The following SNRNP40 variants were observed in gnomAD, a reference collection of about 807,000 sequenced individuals.
SNRNP40 encodes the protein small nuclear ribonucleoprotein U5 subunit 40, also known as U5 small nuclear ribonucleoprotein 40 kDa protein.
In SNRNP40, 21 loss-of-function variants were observed where a neutral mutation model predicts 45.8. The ratio of observed to expected loss-of-function variants is 0.46; its 90% CI spans 0.32 to 0.66. SNRNP40 has a LOEUF of 0.66. Among genes scored for constraint, SNRNP40 ranks in the 30% least tolerant of loss-of-function variants. The pLI is 0.03. For missense variants in SNRNP40, 344 were observed against 439.1 expected (o/e 0.78, Z 1.94); for synonymous variants, 142 against 163.8 (o/e 0.87, Z 1.01).
At chr1:31,284,736 A>C (rs542693853) in intron 4 of SNRNP40, among the ~76,000 whole-genome samples, 1 of 152,234 alleles carries the variant, frequency 6.6e-6, no homozygotes, top group East Asian at 1.9e-4. Context: ...GGAGAGTCTG[A>C]GTAGGATCTG....
intron 5 of SNRNP40, among the ~76,000 whole-genome samples, chr1:31,276,927 G>A (rs572523821): frequency 3.9e-5 from 6 of 152,132 alleles, no homozygotes; most frequent in South Asian, 2.1e-4. Flanking sequence ...CCAGCTACTC[G>A]GGAGGCTGAG....
intron 1 of SNRNP40, 74 bp from the exon 2 acceptor site, chr1:31,293,422 G>C (rs1646120792): frequency 7.0e-7 from 1 of 1,426,378 alleles, no homozygotes; most frequent in African/African-American, 1.4e-5. Context: ...GGTGGGGAGT[G>C]GAGGGAAAAG....
Position 31,267,857 on chromosome 1 carries a change from C to T in SNRNP40, c.920+14G>A, listed in dbSNP as rs750377634. 1.9e-6 allele frequency: 3 copies of T among 1,605,132 alleles called. No homozygotes were observed. The highest frequency in any genetic ancestry group is 1.7e-6 in the Non-Finnish European group (2 of 1,172,148). ...AGCTACATCATTCTTTACTTTGCAC[C>T]CACTAATCCTTACCTGTCGGCTGAG... On this transcript the variant is annotated intron_variant, in intron 8 of 9. Transcript: ENST00000263694.
At chr1:31,291,493 A>G (rs916223006) in intron 3 of SNRNP40, among the ~76,000 whole-genome samples, 1 of 152,156 alleles carries the variant, frequency 6.6e-6, no homozygotes, top group African/African-American at 2.4e-5. Flanking sequence ...CAGGAGCAAT[A>G]TAGCAAGACC....
At chr1:31,282,607 C>CATCTA (rs1193954022) in intron 4 of SNRNP40, 10 of 150,086 alleles carry the variant, frequency 6.7e-5, no homozygotes. Flanking sequence ...ATCTATCTAT[C>CATCTA]TATCTATCTT....
At chr1:31,292,563 G>A (rs531122279) in intron 2 of SNRNP40, among the ~76,000 whole-genome samples, 1 of 152,266 alleles carries the variant, frequency 6.6e-6, no homozygotes, top group Non-Finnish European at 1.5e-5. Context: ...CGGCACCGAG[G>A]AAAAGAGTTA....
At position 31,296,713 on chromosome 1, in the gene SNRNP40, C is replaced by A; in HGVS notation, c.39G>T (p.Pro13=). ...GCCGCTGCCGCTTGACTGGAACCAG[C>A]GGCAACTCTGGGCCCTTACGCTTCT... ...EQQKRKGPEL[P]LVPVKRQRHE... Residue 13 remains proline, a synonymous_variant, in exon 1 of 10, where the codon CCG becomes CCT. Coordinates refer to ENST00000263694, the MANE Select transcript of SNRNP40 (RefSeq NM_004814.3). 6.2e-7 allele frequency: 1 copy of A among 1,613,542 alleles called. No individual in the cohort carries two copies. Among genetic ancestry groups the A allele is most frequent in the Non-Finnish European group, 8.5e-7 (1 of 1,179,726 alleles).
intron 8 of SNRNP40, 66 bp downstream of exon 8, chr1:31,267,805 T>C (rs1569637538): frequency 3.2e-6 from 4 of 1,247,760 alleles, no homozygotes; most frequent in East Asian, 4.7e-5. Flanking sequence ...GTGCTGGGAT[T>C]GCAGGCACGA....
At position 31,290,746 on chromosome 1, in the gene SNRNP40, C is replaced by T. The variant is rs187061538; in HGVS notation, c.365+1167G>A. Reference sequence around the variant, plus strand: ...CAAAAAAATTAGCCGGGCATGGTGGCGGGCACCTGTAATCCCAGCTACTCA... The same window carrying T: ...CAAAAAAATTAGCCGGGCATGGTGGTGGGCACCTGTAATCCCAGCTACTCA... On this transcript the variant is annotated intron_variant, in intron 3 of 9. Transcript: ENST00000263694. 1.3e-3 allele frequency among the ~76,000 whole-genome samples: 200 copies of T among 152,030 alleles called. 1 individual carries two copies. Among genetic ancestry groups the T allele is most frequent in the African/African-American group, 4.6e-3 (193 of 41,508 alleles).
At position 31,288,131 on chromosome 1, in the gene SNRNP40, C is replaced by T. The variant is rs149748656; in HGVS notation, c.531+1123G>A. ...TGAGCCAAGATTGTGCCACTGCACTCCAGCCTGGGCGATAGAGCAAGACCC... is the reference window on the plus strand; with the variant it reads ...TGAGCCAAGATTGTGCCACTGCACTTCAGCCTGGGCGATAGAGCAAGACCC... On this transcript the variant is annotated intron_variant, in intron 4 of 9. Transcript: ENST00000263694. Among the ~76,000 whole-genome samples, 1,121 of 151,826 alleles carry T rather than the reference C, an allele frequency of 7.4e-3. 13 individuals are homozygous for T. Among genetic ancestry groups the T allele is most frequent in the Non-Finnish European group, 0.012 (835 of 67,950 alleles).
intron 5 of SNRNP40, among the ~76,000 whole-genome samples, chr1:31,272,087 T>C (rs1645943055): frequency 6.6e-6 from 1 of 152,112 alleles, no homozygotes; most frequent in African/African-American, 2.4e-5. Flanking sequence ...AAAACTATTA[T>C]AGAAAAAAAC....
chr1:31,290,323 C>A (rs965884068), intron 3 of SNRNP40, among the ~76,000 whole-genome samples: 2 of 152,234 alleles, frequency 1.3e-5, no homozygotes, highest in East Asian at 1.9e-4. Flanking sequence ...GCACATGCCA[C>A]CAGGCCCAGC....
At chr1:31,267,807 C>G (rs1645909865) in intron 8 of SNRNP40, 64 bp downstream of exon 8, 4 of 1,276,096 alleles carry the variant, frequency 3.1e-6, no homozygotes, top group Non-Finnish European at 4.6e-6. Context: ...GCTGGGATTG[C>G]AGGCACGAGC....
At chr1:31,294,028 G>A (rs896492884) in intron 1 of SNRNP40, among the ~76,000 whole-genome samples, 5 of 151,450 alleles carry the variant, frequency 3.3e-5, no homozygotes, top group Non-Finnish European at 5.9e-5. Context: ...GTGTGATCTC[G>A]GCTCACTGCA....
At chr1:31,273,223 T>C (rs1645950763) in intron 5 of SNRNP40, among the ~76,000 whole-genome samples, 1 of 152,208 alleles carries the variant, frequency 6.6e-6, no homozygotes, top group Non-Finnish European at 1.5e-5. Context: ...AAATCTAGCT[T>C]TGTAACAACT....
chr1:31,296,338 C>T (rs1268424159), intron 1 of SNRNP40, among the ~76,000 whole-genome samples: 1 of 152,158 alleles, frequency 6.6e-6, no homozygotes, highest in Non-Finnish European at 1.5e-5. Flanking sequence ...GATGCTTAAA[C>T]CCGGGTCAGG....
At chr1:31,261,041 C>T in intron 9 of SNRNP40, 9 of 1,280,606 alleles carry the variant, frequency 7.0e-6, no homozygotes, top group African/African-American at 6.1e-5. Flanking sequence ...CATTGATACC[C>T]ACATAAAGAC....
At chr1:31,285,646 C>T (rs1646052481) in intron 4 of SNRNP40, among the ~76,000 whole-genome samples, 1 of 152,162 alleles carries the variant, frequency 6.6e-6, no homozygotes, top group South Asian at 2.1e-4. Context: ...ATTTTATCCT[C>T]AAATCCCACT....
At chr1:31,284,158 G>A (rs1235720917) in intron 4 of SNRNP40, among the ~76,000 whole-genome samples, 1 of 152,160 alleles carries the variant, frequency 6.6e-6, no homozygotes, top group African/African-American at 2.4e-5. Context: ...GAGAGGTTGA[G>A]GCTGCAGTGA....
Sources: allele counts gnomAD v4.1 joint callset (sites outside exome capture counted in the v4.1 genomes callset), GRCh38; gene constraint gnomAD v4.1.1; transcripts MANE v1.5; gene names NCBI Gene and HGNC (gene_info 2026-07-23, HGNC 2026-07-21).